Variants in CD96 observed in about 807,000 individuals in gnomAD.
CD96 encodes the protein CD96 molecule, also known as T-cell surface protein tactile.
Under a neutral mutation model 71.3 loss-of-function variants are expected in CD96, and 70 were observed. The ratio of observed to expected loss-of-function variants is 0.98; its 90% CI spans 0.81 to 1.20. CD96 has a LOEUF of 1.20. CD96 is among the 50% of genes most tolerant of loss of function. The probability of loss-of-function intolerance (pLI) is 0.00; values close to 1 mark genes in which losing one functional copy is unlikely to be tolerated. For missense variants in CD96, 742 were observed against 677.5 expected (o/e 1.10, Z -1.06); for synonymous variants, 248 against 233.0 (o/e 1.06, Z -0.59).
chr3:111,618,077 C>T (rs566795611), intron 8 of CD96, among the ~76,000 whole-genome samples: 2 of 152,376 alleles, frequency 1.3e-5, no homozygotes, highest in South Asian at 4.1e-4. Context: ...CCCACCCTGC[C>T]TCAGCAGCCA....
chr3:111,655,644 T>C (rs374328843), downstream of CD96, among the ~76,000 whole-genome samples: 212 of 152,216 alleles, frequency 1.4e-3, 8 homozygotes, highest in South Asian at 0.042. Context: ...AAGAAGCATC[T>C]GATGATAGAA....
intron 3 of CD96, among the ~76,000 whole-genome samples, chr3:111,574,831 G>A (rs1043382256): frequency 3.3e-5 from 5 of 151,020 alleles, no homozygotes; most frequent in African/African-American, 4.9e-5. Flanking sequence ...TGCCCAGGCC[G>A]GAGTGCAGTG....
chr3:111,567,578 T>C lies in CD96; in HGVS notation c.474T>C (p.Thr158=). 1 of 1,607,256 alleles carries C rather than the reference T, an allele frequency of 6.2e-7. No individual in the cohort carries two copies. The highest frequency in any genetic ancestry group is 8.5e-7 in the Non-Finnish European group (1 of 1,173,830). ...NHTIEIEINQ[T]LEIPCFQNSS... ...CGATAGAAATAGAGATAAATCAGAC[T>C]CTGGAAATACCATGCTTTCAAAATA... The change falls in exon 3 of 14, where the codon ACT becomes ACC. Residue 158 remains threonine, a synonymous_variant. Coordinates refer to ENST00000352690, the MANE Select transcript of CD96 (RefSeq NM_005816.5).
chr3:111,573,154 T>C (rs1576335412), intron 3 of CD96, among the ~76,000 whole-genome samples: 1 of 152,368 alleles, frequency 6.6e-6, no homozygotes, highest in South Asian at 2.1e-4. Flanking sequence ...TCCCATCTTA[T>C]GCATTGGGAC....
At chr3:111,616,940 C>A (rs1938270762) in intron 8 of CD96, among the ~76,000 whole-genome samples, 1 of 152,182 alleles carries the variant, frequency 6.6e-6, no homozygotes, top group Non-Finnish European at 1.5e-5. Flanking sequence ...CTCAGAAGGG[C>A]CTGCTTCCAC....
intron 5 of CD96, 59 bp downstream of exon 5, chr3:111,585,437 G>T (rs995688161): frequency 2.7e-6 from 3 of 1,095,504 alleles, no homozygotes; most frequent in Non-Finnish European, 4.2e-6. Context: ...GTGTCAGGTT[G>T]CATAGTTGCC....
chr3:111,641,894 T>C (rs1939608668), intron 12 of CD96, among the ~76,000 whole-genome samples: 1 of 152,236 alleles, frequency 6.6e-6, no homozygotes, highest in South Asian at 2.1e-4. Context: ...TGCTCCTGAA[T>C]GAGCATTGGG....
rs373659694 is a variant in CD96, at chr3:111,664,411, G to GA, written c.*53-1107dup. 2.8e-3 allele frequency among the ~76,000 whole-genome samples: 424 copies of GA among 150,940 alleles called. 2 individuals are homozygous for GA. Among genetic ancestry groups the GA allele is most frequent in the African/African-American group, 9.3e-3 (381 of 41,170 alleles). ...CCTAAGTGAAGTAATGCAGGAACAG[G>GA]AAAAAAAAATACCACGTGTTCTCAC... is the stretch of plus-strand genomic sequence containing the variant. On this transcript the variant is annotated intron_variant and NMD_transcript_variant, in intron 14 of 14. Transcript: ENST00000494798.
intron 2 of CD96, among the ~76,000 whole-genome samples, chr3:111,561,965 C>T (rs1170754749): frequency 3.3e-5 from 5 of 151,602 alleles, no homozygotes; most frequent in South Asian, 4.2e-4. Context: ...GGGAGTGACC[C>T]GATTTTCCAG....
chr3:111,664,574 A>T (rs368136301), intron 14 of CD96, among the ~76,000 whole-genome samples: 1 of 152,226 alleles, frequency 6.6e-6, no homozygotes. Flanking sequence ...CTCACTACCT[A>T]AATGAAAAGA....
chr3:111,598,022 A>G (rs1937334230), intron 5 of CD96, 98 bp from the exon 6 acceptor site: 7 of 740,134 alleles, frequency 9.5e-6, no homozygotes. Flanking sequence ...AAAAATGGAG[A>G]AACTCTTTTT....
chr3:111,589,273 T>A (rs1936864377), intron 5 of CD96, among the ~76,000 whole-genome samples: 1 of 152,152 alleles, frequency 6.6e-6, no homozygotes, highest in Admixed American at 6.5e-5. Flanking sequence ...TATAAGGATC[T>A]CTAATAGATT....
chr3:111,624,397 C>T lies in CD96; in HGVS notation c.1314C>T (p.Thr438=). 1.3e-6 allele frequency: 2 copies of T among 1,599,196 alleles called. No homozygotes were observed. Among genetic ancestry groups the T allele is most frequent in the East Asian group, 2.2e-5 (1 of 44,806 alleles). The part of the protein sequence containing the change: ...NYPWTSSGTD[T]KKSVSRIPSE... ...CCTGGACCTCCAGTGGGACAGATAC[C>T]AAAAAATGTTAAGTATAATCGTGGG... Residue 438 remains threonine (T), a synonymous_variant, in exon 10 of 14, where the codon ACC becomes ACT. Transcript: ENST00000352690.
At chr3:111,601,943 G>A (rs191696460) in intron 7 of CD96, among the ~76,000 whole-genome samples, 250 of 152,256 alleles carry the variant, frequency 1.6e-3, no homozygotes, top group Non-Finnish European at 1.6e-3. Flanking sequence ...CACTGGCATC[G>A]CTCCCGTAGC....
downstream of CD96, among the ~76,000 whole-genome samples, chr3:111,655,548 G>T (rs1190330434): frequency 6.6e-6 from 1 of 152,156 alleles, no homozygotes; most frequent in East Asian, 1.9e-4. Context: ...TGTCAATAGA[G>T]GCAAGGCCAC....
chr3:111,622,722 T>C (rs1938572321), intron 8 of CD96, among the ~76,000 whole-genome samples: 1 of 152,266 alleles, frequency 6.6e-6, no homozygotes, highest in Non-Finnish European at 1.5e-5. Context: ...TACACAATTA[T>C]ACAGCATTCT....
chr3:111,648,925 AAG>A (rs1430353134), intron 13 of CD96, among the ~76,000 whole-genome samples: 1 of 152,224 alleles, frequency 6.6e-6, no homozygotes, highest in Non-Finnish European at 1.5e-5. Flanking sequence ...ATTTCGGAAA[AAG>A]AGATTACTTG....
chr3:111,615,594 ATG>A (rs1938191396), intron 8 of CD96, among the ~76,000 whole-genome samples: 1 of 152,060 alleles, frequency 6.6e-6, no homozygotes, highest in Non-Finnish European at 1.5e-5. Flanking sequence ...GTGTGTGTGT[ATG>A]TGTGTGTCTG....
At chr3:111,646,808 A>C (rs1333155414) in intron 12 of CD96, among the ~76,000 whole-genome samples, 1 of 152,128 alleles carries the variant, frequency 6.6e-6, no homozygotes, top group Non-Finnish European at 1.5e-5. Flanking sequence ...AAAGACATGG[A>C]ACTAACCTAA....
Sources: allele counts gnomAD v4.1 joint callset (sites outside exome capture counted in the v4.1 genomes callset), GRCh38; gene constraint gnomAD v4.1.1; transcripts MANE v1.5; gene names NCBI Gene and HGNC (gene_info 2026-07-23, HGNC 2026-07-21).